PCDHGB3: variants seen among roughly 807,000 people sequenced by gnomAD.
PCDHGB3 encodes protocadherin gamma-B3.
PCDHGB3 carries 40 observed loss-of-function variants against 59.2 expected under a neutral mutation model. That is an observed-to-expected ratio of 0.68 (90% confidence interval 0.52 to 0.88). The LOEUF (loss-of-function observed/expected upper bound fraction) is 0.88. Among genes scored for constraint, PCDHGB3 ranks in the 40% least tolerant of loss-of-function variants. PCDHGB3 has a pLI of 0.00. For synonymous variants in PCDHGB3, 581 were observed against 503.6 expected (o/e 1.15, Z -2.06); for missense variants, 1,309 against 1,187.9 (o/e 1.10, Z -1.50).
Position 141,491,902 on chromosome 5 carries a change from G to C in PCDHGB3, c.2416-2905G>C. On this transcript the variant is annotated intron_variant, in intron 1 of 3. Transcript: ENST00000576222. This position sits in a 1 kb window ranked among gnomAD's most constrained non-coding sequence, Gnocchi z 6.9. ...AGGGATGGGGCTCCGAGCACCGGGG[G>C]TGGTGGCGACTGTGGGCGAGGGGAG... 7.0e-7 allele frequency: 1 copy of C among 1,429,002 alleles called. No individual in the cohort carries two copies. Among genetic ancestry groups the C allele is most frequent in the Non-Finnish European group, 9.3e-7 (1 of 1,079,426 alleles). The allele number at this position is 1,429,002 out of a possible 1,614,324, so 88.5% of individuals were successfully genotyped here. A position where few individuals can be genotyped will look rare whatever the true frequency, so the allele number is the denominator to read the frequency against.
At chr5:141,415,477 C>T in intron 1 of PCDHGB3, 1 of 1,614,184 alleles carries the variant, frequency 6.2e-7, no homozygotes, top group Non-Finnish European at 8.5e-7. Flanking sequence ...CGCGGACTCG[C>T]GAAAGAGTCA....
Position 141,423,508 on chromosome 5 carries a change from A to T in PCDHGB3, c.2415+50699A>T, listed in dbSNP as rs962526072. ...AACCTATTCCCACGAGGTCTCTCTCATTGCGGACTCGCAGAAGAGTCACCT... is the reference window on the plus strand; with the variant it reads ...AACCTATTCCCACGAGGTCTCTCTCTTTGCGGACTCGCAGAAGAGTCACCT... On this transcript the variant is annotated intron_variant, in intron 1 of 3. Coordinates refer to ENST00000576222, the MANE Select transcript of PCDHGB3 (RefSeq NM_018924.5). The T allele has an allele frequency of 9.9e-6, 16 of 1,613,742 alleles. No homozygotes were observed. The highest frequency in any genetic ancestry group is 1.6e-4 in the Middle Eastern group (1 of 6,084).
chr5:141,396,870 A>G (rs536206475), intron 1 of PCDHGB3, among the ~76,000 whole-genome samples: 3 of 152,328 alleles, frequency 2.0e-5, no homozygotes, highest in African/African-American at 7.2e-5. Flanking sequence ...TACCATTTGG[A>G]TGCACATTTG....
chr5:141,395,162 G>C, intron 1 of PCDHGB3: 1 of 1,614,148 alleles, frequency 6.2e-7, no homozygotes, highest in Non-Finnish European at 8.5e-7. Flanking sequence ...TCAGTCAGGA[G>C]GGCTGTGAGA....
chr5:141,371,696 C>G lies in PCDHGB3; in HGVS notation c.1302C>G (p.Ser434=), dbSNP rs746156642. 4.3e-6 allele frequency: 7 copies of G among 1,614,058 alleles called. 1 individual carries two copies. The South Asian group carries it at 7.7e-5, about 18-fold the overall frequency. The change falls in exon 1 of 4, where the codon TCC becomes TCG. Residue 434 remains serine (S), a synonymous_variant. Transcript: ENST00000576222. ...ACAAAGGCAATCCACCGCTCTCCTCCAGCAAGACCATCACTCTGCACATCC... is the reference window on the plus strand; with the variant it reads ...ACAAAGGCAATCCACCGCTCTCCTCGAGCAAGACCATCACTCTGCACATCC... ...ATDKGNPPLS[S]SKTITLHILD... is the part of the protein sequence containing the mutation.
At chr5:141,448,542 T>G (rs2098594694) in intron 1 of PCDHGB3, among the ~76,000 whole-genome samples, 1 of 152,210 alleles carries the variant, frequency 6.6e-6, no homozygotes, top group Non-Finnish European at 1.5e-5. Flanking sequence ...GCATTTCTTA[T>G]GCAAATATGT....
At chr5:141,434,830 C>A (rs7703679) in intron 1 of PCDHGB3, among the ~76,000 whole-genome samples, 45,467 of 151,546 alleles carry the variant, frequency 0.3, 8,050 homozygotes, top group African/African-American at 0.5. Flanking sequence ...GTACACTTGG[C>A]ATTTATAAAG....
chr5:141,489,459 C>T lies in PCDHGB3; in HGVS notation c.2416-5348C>T. The T allele has an allele frequency of 6.2e-7, 1 of 1,614,086 alleles. No homozygotes were observed. The highest frequency in any genetic ancestry group is 8.5e-7 in the Non-Finnish European group (1 of 1,180,012). On this transcript the variant is annotated intron_variant, in intron 1 of 3. Coordinates refer to ENST00000576222, the MANE Select transcript of PCDHGB3 (RefSeq NM_018924.5). The surrounding 1 kb of genome is among the most constrained non-coding windows in gnomAD (Gnocchi z 4.5). The stretch of plus-strand genomic sequence containing the variant: ...AATTGGGCTCTGAGGAGAATGGGCG[C>T]TATTTTTCCCTGAGCTTGATGAGTG...
In PCDHGB3 at chr5:141,485,233, C is replaced by T; in HGVS notation, c.2416-9574C>T. 1.2e-6 allele frequency: 2 copies of T among 1,614,182 alleles called. No individual in the cohort carries two copies. The highest frequency in any genetic ancestry group is 1.7e-6 in the Non-Finnish European group (2 of 1,180,030). ...GGCGGTGGGCTACCCTTTTGTTCCTCTTTTACCACCTGGGTTACGTTTGTG... is the reference window on the plus strand; with the variant it reads ...GGCGGTGGGCTACCCTTTTGTTCCTTTTTTACCACCTGGGTTACGTTTGTG... On this transcript the variant is annotated intron_variant, in intron 1 of 3. Transcript: ENST00000576222. This position sits in a 1 kb window ranked among gnomAD's most constrained non-coding sequence, Gnocchi z 5.7.
chr5:141,460,959 A>G (rs892536901), intron 1 of PCDHGB3, among the ~76,000 whole-genome samples: 2 of 126,082 alleles, frequency 1.6e-5, no homozygotes, highest in African/African-American at 7.1e-5. Context: ...ATGTATATAT[A>G]TATGTGTGTG....
At chr5:141,500,866 A>C (rs576713520) in intron 2 of PCDHGB3, among the ~76,000 whole-genome samples, 1 of 146,112 alleles carries the variant, frequency 6.8e-6, no homozygotes, top group Non-Finnish European at 1.5e-5. Context: ...AAACATACAC[A>C]TTCATTTACA....
At chr5:141,433,401 A>ATCTATCTATCTC (rs1444244130) in intron 1 of PCDHGB3, among the ~76,000 whole-genome samples, 15 of 150,598 alleles carry the variant, frequency 1.0e-4, no homozygotes, top group African/African-American at 3.4e-4. Flanking sequence ...CTATCTATCT[A>ATCTATCTATCTC]TCTATTACTT....
Position 141,370,976 on chromosome 5 carries a change from A to G in PCDHGB3, c.582A>G (p.Leu194=), listed in dbSNP as rs985937700. ...TGGATGGCAGTAGGTACCCAGAGCT[A>G]GTACTGAAAGCACCCCTGGACAGGG... ...ENLDGSRYPE[L]VLKAPLDREE... The change falls in exon 1 of 4, where the codon CTA becomes CTG. Residue 194 remains leucine (L), a synonymous_variant. Coordinates refer to ENST00000576222, the MANE Select transcript of PCDHGB3 (RefSeq NM_018924.5). The G allele has an allele frequency of 5.0e-6, 8 of 1,613,914 alleles. No homozygotes were observed. The Admixed American group carries it at 1.0e-4, about 20-fold the overall frequency.
chr5:141,434,795 T>C (rs1027924206), intron 1 of PCDHGB3, among the ~76,000 whole-genome samples: 2 of 152,004 alleles, frequency 1.3e-5, no homozygotes, highest in African/African-American at 2.4e-5. Context: ...TTTTTTTTTC[T>C]GAGCTTGGAG....
At position 141,431,035 on chromosome 5, in the gene PCDHGB3, G is replaced by C; in HGVS notation, c.2415+58226G>C. The C allele has an allele frequency of 6.2e-7, 1 of 1,614,186 alleles. No individual in the cohort carries two copies. Among genetic ancestry groups the C allele is most frequent in the South Asian group, 1.1e-5 (1 of 91,086 alleles). ...TGGTCACGGCGGGCAGGATAGACCG[G>C]GAGGAGCTCTGTATGGGGGCCATCA... On this transcript the variant is annotated intron_variant, in intron 1 of 3. Transcript: ENST00000576222. The surrounding 1 kb of genome is among the most constrained non-coding windows in gnomAD (Gnocchi z 4.8).
chr5:141,456,814 ATTAGCCATCGTGG>A (rs2098889077), intron 1 of PCDHGB3, among the ~76,000 whole-genome samples: 1 of 151,928 alleles, frequency 6.6e-6, no homozygotes, highest in Non-Finnish European at 1.5e-5. Context: ...AATACAAAAA[ATTAGCCATCGTGG>A]TAGTGGGCGC....
Position 141,485,060 on chromosome 5 carries a change from G to T in PCDHGB3, c.2416-9747G>T. The T allele has an allele frequency of 1.2e-6, 1 of 862,304 alleles. No individual in the cohort carries two copies. 53.4% of individuals were successfully genotyped at this position (862,304 alleles called of 1,614,324 possible). ...ACCCTTGCGGCGCCGGCCGAACCGC[G>T]CCAGAGCTGGCGCGGGGAAAGGGAG... On this transcript the variant is annotated intron_variant, in intron 1 of 3. Coordinates refer to ENST00000576222, the MANE Select transcript of PCDHGB3 (RefSeq NM_018924.5). The surrounding 1 kb of genome is among the most constrained non-coding windows in gnomAD (Gnocchi z 5.7).
chr5:141,418,677 T>A (rs1717013168), intron 1 of PCDHGB3: 1 of 1,613,930 alleles, frequency 6.2e-7, no homozygotes, highest in African/African-American at 1.3e-5. Flanking sequence ...GACGAGGGCA[T>A]CAACTCAGAG....
At position 141,414,606 on chromosome 5, in the gene PCDHGB3, A is replaced by G. The variant is rs760846889; in HGVS notation, c.2415+41797A>G. ...ACGCCAGGGGTGCCTCCATCTTCTCAGTGACAGCGCTGGACCCGGACAGCA... is the reference window on the plus strand; with the variant it reads ...ACGCCAGGGGTGCCTCCATCTTCTCGGTGACAGCGCTGGACCCGGACAGCA... On this transcript the variant is annotated intron_variant, in intron 1 of 3. Coordinates refer to ENST00000576222, the MANE Select transcript of PCDHGB3 (RefSeq NM_018924.5). The G allele has an allele frequency of 1.6e-5, 26 of 1,613,826 alleles. No homozygotes were observed. In the East Asian group the frequency reaches 5.6e-4, roughly 35 times the overall value.
Sources: gnomAD v4.1 joint callset for allele counts (sites outside exome capture counted in the v4.1 genomes callset) on GRCh38, gnomAD v4.1.1 for gene constraint, Gnocchi (gnomAD v3.1) non-coding constraint, MANE v1.5 for transcripts, NCBI Gene and HGNC (gene_info 2026-07-23, HGNC 2026-07-21) for gene names.